CDH12: variants seen among roughly 807,000 people sequenced by gnomAD.
The protein encoded by CDH12 is cadherin 12.
A neutral mutation model predicts 74.1 loss-of-function variants in CDH12; 41 were observed. The ratio of observed to expected loss-of-function variants is 0.55; its 90% confidence interval spans 0.43 to 0.72. The LOEUF is 0.72. CDH12 is among the 30% of genes least tolerant of loss of function. The pLI, the probability that CDH12 is intolerant of heterozygous loss-of-function variation, is 0.00. For synonymous variants in CDH12, 399 were observed against 355.0 expected (o/e 1.12, Z -1.39); for missense variants, 945 against 977.2 (o/e 0.97, Z 0.44).
chr5:22,339,070 C>A (rs1373979503), intron 3 of CDH12, among the ~76,000 whole-genome samples: 2 of 152,198 alleles, frequency 1.3e-5, no homozygotes, highest in African/African-American at 4.8e-5. Flanking sequence ...CTTATGACTC[C>A]TGAGCAGAGA....
intron 8 of CDH12, among the ~76,000 whole-genome samples, chr5:21,818,200 G>C (rs979494618): frequency 6.6e-6 from 1 of 151,848 alleles, no homozygotes; most frequent in African/African-American, 2.4e-5. Flanking sequence ...TCTCTTACCG[G>C]ATTTAGAATG....
intron 1 of CDH12, among the ~76,000 whole-genome samples, chr5:22,661,467 T>A (rs1740345363): frequency 6.6e-6 from 1 of 152,164 alleles, no homozygotes; most frequent in South Asian, 2.1e-4. Context: ...CAGAGACTAT[T>A]TTTTAGGAAA....
chr5:22,228,216 T>G (rs1752261453), intron 3 of CDH12, among the ~76,000 whole-genome samples: 2 of 152,090 alleles, frequency 1.3e-5, no homozygotes, highest in Admixed American at 6.6e-5. Flanking sequence ...ATATTATTAA[T>G]AATATAGCTT....
At chr5:21,885,818 T>A (rs1312274712) in intron 6 of CDH12, among the ~76,000 whole-genome samples, 2 of 152,182 alleles carry the variant, frequency 1.3e-5, no homozygotes, top group East Asian at 3.9e-4. Flanking sequence ...TCTTATTTTT[T>A]AAGTAGTTCC....
chr5:21,923,449 C>G (rs1422574052), intron 6 of CDH12, among the ~76,000 whole-genome samples: 4 of 152,138 alleles, frequency 2.6e-5, no homozygotes, highest in East Asian at 3.9e-4. Flanking sequence ...AACTCCATCC[C>G]TACCACATCT....
At chr5:22,648,362 A>G (rs268977) in intron 1 of CDH12, among the ~76,000 whole-genome samples, 151,764 of 151,898 alleles carry the variant, frequency 1, 75,817 homozygotes, top group Middle Eastern at 1. Flanking sequence ...GATTGAGTAG[A>G]TAAGTTCTTA....
At position 21,903,904 on chromosome 5, in the gene CDH12, C is replaced by CA. The variant is rs535399305; in HGVS notation, c.527-49115dup. On this transcript the variant is annotated intron_variant, in intron 6 of 14. Coordinates refer to ENST00000382254, the MANE Select transcript of CDH12 (RefSeq NM_004061.5). ...CAGAAAAGGAACAGAAAATGAGACA[C>CA]AAAAAAAGCCATCAACGACATCATT... Among the ~76,000 whole-genome samples, 12 of 151,778 alleles carry CA rather than the reference C, an allele frequency of 7.9e-5. No homozygotes were observed. In the South Asian group the frequency reaches 1.9e-3, roughly 24 times the overall value.
intron 2 of CDH12, among the ~76,000 whole-genome samples, chr5:22,486,428 G>A (rs1436048877): frequency 6.6e-6 from 1 of 150,888 alleles, no homozygotes; most frequent in Non-Finnish European, 1.5e-5. Context: ...GCAAAAGGAT[G>A]AGAAGTGGTA....
intron 4 of CDH12, among the ~76,000 whole-genome samples, chr5:22,186,050 G>T (rs1040636326): frequency 6.6e-6 from 1 of 152,116 alleles, no homozygotes; most frequent in African/African-American, 2.4e-5. Flanking sequence ...TTGCATCTGG[G>T]CATCTTCTCA....
intron 3 of CDH12, among the ~76,000 whole-genome samples, chr5:22,343,323 C>CAGACACACACAGAGAG (rs1739967866): frequency 1.5e-5 from 2 of 136,346 alleles, no homozygotes; most frequent in African/African-American, 5.8e-5. Context: ...GACACACACA[C>CAGACACACACAGAGAG]AGAGAGAGAG....
intron 3 of CDH12, among the ~76,000 whole-genome samples, chr5:22,278,716 A>G (rs1736747708): frequency 1.3e-5 from 2 of 152,182 alleles, no homozygotes; most frequent in African/African-American, 4.8e-5. Context: ...ACAATTCTAG[A>G]TGGATTATGT....
Position 22,532,350 on chromosome 5 carries a change from GATATATATATATATATAT to G in CDH12, c.-522-27004_-522-26987del, listed in dbSNP as rs71609770. 2.2e-4 allele frequency among the ~76,000 whole-genome samples: 6 copies of G among 27,562 alleles called. 2 individuals are homozygous for G. The highest frequency in any genetic ancestry group is 2.5e-3 in the East Asian group (2 of 786). The allele number at this position is 27,562 out of a possible 152,430, so 18.1% of individuals were successfully genotyped here. A position where few individuals can be genotyped will look rare whatever the true frequency, so the allele number is the denominator to read the frequency against. On this transcript the variant is annotated intron_variant, in intron 1 of 14. Transcript: ENST00000382254. The stretch of plus-strand genomic sequence containing the variant: ...TCTAACAGATAAATTATATAAATAG[GATATATATATATATATAT>G]ATATATATATGTATGTATCCTATTT...
chr5:22,722,214 C>A (rs2126991154), intron 1 of CDH12, among the ~76,000 whole-genome samples: 1 of 152,300 alleles, frequency 6.6e-6, no homozygotes, highest in African/African-American at 2.4e-5. Context: ...TTATGCAACC[C>A]TATACCCCAA....
At chr5:22,600,016 A>G (rs1736781965) in intron 1 of CDH12, among the ~76,000 whole-genome samples, 1 of 152,108 alleles carries the variant, frequency 6.6e-6, no homozygotes, top group Non-Finnish European at 1.5e-5. Context: ...TTAAAATATT[A>G]TTCACAGATT....
chr5:22,740,320 A>G (rs1028014326), intron 1 of CDH12, among the ~76,000 whole-genome samples: 2 of 152,016 alleles, frequency 1.3e-5, no homozygotes, highest in Non-Finnish European at 2.9e-5. Flanking sequence ...TAATTTGTTC[A>G]GCATTAACCA....
chr5:22,109,859 TACATA>T (rs1269644221), intron 4 of CDH12, among the ~76,000 whole-genome samples: 23 of 152,212 alleles, frequency 1.5e-4, no homozygotes, highest in African/African-American at 5.5e-4. Context: ...GGCACATATT[TACATA>T]ACATAAGTTT....
intron 3 of CDH12, among the ~76,000 whole-genome samples, chr5:22,321,770 T>C (rs1352705804): frequency 6.6e-6 from 1 of 152,192 alleles, no homozygotes; most frequent in Non-Finnish European, 1.5e-5. Flanking sequence ...TGTAATATCT[T>C]AGTGCAGACC....
chr5:22,769,555 G>A (rs1424980665), intron 1 of CDH12, among the ~76,000 whole-genome samples: 1 of 152,000 alleles, frequency 6.6e-6, no homozygotes, highest in African/African-American at 2.4e-5. Flanking sequence ...ATAGCCTATC[G>A]TGGGACTTCG....
intron 10 of CDH12, among the ~76,000 whole-genome samples, chr5:21,788,633 T>C (rs1171998659): frequency 6.6e-6 from 1 of 152,150 alleles, no homozygotes; most frequent in Non-Finnish European, 1.5e-5. Context: ...TATAATAAAG[T>C]TGCAAGAATT....
Sources: allele counts gnomAD v4.1 joint callset (sites outside exome capture counted in the v4.1 genomes callset), GRCh38; gene constraint gnomAD v4.1.1; transcripts MANE v1.5; gene names NCBI Gene and HGNC (gene_info 2026-07-23, HGNC 2026-07-21).